Variants in TTLL5 observed in about 807,000 individuals in gnomAD.
TTLL5 encodes tubulin polyglutamylase TTLL5.
Under a neutral mutation model 168.4 loss-of-function variants are expected in TTLL5, and 132 were observed. The observed-to-expected ratio is 0.78, with a 90% confidence interval of 0.68 to 0.91. TTLL5 has a LOEUF of 0.91. Ranked by LOEUF, TTLL5 falls within the 40% of genes least tolerant of loss-of-function variation. The pLI is 0.00. For synonymous variants in TTLL5, 546 were observed against 558.6 expected, an observed-to-expected ratio of 0.98 and a Z score of 0.32; for missense variants, 1,545 against 1,581.5, an observed-to-expected ratio of 0.98 and a Z score of 0.39.
chr14:75,729,240 C>A lies in TTLL5; in HGVS notation c.1043-3098C>A, dbSNP rs543198716. Among the ~76,000 whole-genome samples, 20 of 152,264 alleles carry A rather than the reference C, an allele frequency of 1.3e-4. No homozygotes were observed. In the South Asian group the frequency reaches 4.2e-3, roughly 32 times the overall value. On this transcript the variant is annotated intron_variant, in intron 12 of 31. Coordinates refer to ENST00000298832, the MANE Select transcript of TTLL5 (RefSeq NM_015072.5). ...TAAAGACAACACAGAAAGAGGAGCT[C>A]TCAGAACTGGAAAAGCCCAGCTAGC...
At chr14:75,730,929 A>G (rs1187220807) in intron 12 of TTLL5, among the ~76,000 whole-genome samples, 3 of 152,124 alleles carry the variant, frequency 2.0e-5, no homozygotes, top group African/African-American at 4.8e-5. Flanking sequence ...CATGTTGGCC[A>G]GGGTGGTCTC....
chr14:75,879,174 A>G (rs1241816951), intron 29 of TTLL5, among the ~76,000 whole-genome samples: 2 of 152,222 alleles, frequency 1.3e-5, no homozygotes, highest in East Asian at 1.9e-4. Flanking sequence ...GCTATAATAC[A>G]TGGTAGAATG....
chr14:75,934,814 T>A (rs1216285658), intron 31 of TTLL5, among the ~76,000 whole-genome samples: 2 of 152,190 alleles, frequency 1.3e-5, no homozygotes, highest in Non-Finnish European at 2.9e-5. Flanking sequence ...CTCTAACCAT[T>A]CTCTCATTGT....
At position 75,954,827 on chromosome 14, in the gene TTLL5, G is replaced by T; in HGVS notation, c.*381G>T. The T allele has an allele frequency of 5.0e-6, 1 of 201,754 alleles. No individual in the cohort carries two copies. The highest frequency in any genetic ancestry group is 1.0e-5 in the Non-Finnish European group (1 of 100,454). 12.5% of individuals were successfully genotyped at this position (201,754 alleles called of 1,614,324 possible). ...TATAAAAGAGGCTCTTTGGCTATTT[G>T]CATTTTGCTTCCTCTTCTTTTCCAG... is the stretch of plus-strand genomic sequence containing the variant. On this transcript the variant is annotated 3_prime_UTR_variant, in exon 32 of 32. Transcript: ENST00000298832.
chr14:75,694,978 A>G (rs912992062), intron 6 of TTLL5, among the ~76,000 whole-genome samples: 14 of 152,234 alleles, frequency 9.2e-5, no homozygotes, highest in African/African-American at 3.4e-4. Flanking sequence ...AAACAATATG[A>G]AATCTGGGCA....
chr14:75,856,924 G>T, intron 28 of TTLL5, among the ~76,000 whole-genome samples: 1 of 151,948 alleles, frequency 6.6e-6, no homozygotes, highest in East Asian at 1.9e-4. Context: ...ACACCCAGCC[G>T]AGTTGTATTG....
intron 26 of TTLL5, among the ~76,000 whole-genome samples, 155 bp from the exon 27 acceptor site, chr14:75,792,761 T>G (rs970757691): frequency 2.0e-5 from 3 of 152,192 alleles, no homozygotes; most frequent in South Asian, 2.1e-4. Context: ...ACCATTTATT[T>G]TTGTGATCAT....
At chr14:75,914,619 G>GTTTTTTT (rs10571332) in intron 31 of TTLL5, among the ~76,000 whole-genome samples, 1 of 96,066 alleles carries the variant, frequency 1.0e-5, no homozygotes, top group African/African-American at 4.2e-5. Flanking sequence ...CACTACTCTT[G>GTTTTTTT]TTTTTTTTTT....
intron 20 of TTLL5, among the ~76,000 whole-genome samples, chr14:75,769,742 C>T (rs1891167548): frequency 6.6e-6 from 1 of 152,080 alleles, no homozygotes; most frequent in South Asian, 2.1e-4. Flanking sequence ...TTTATTGACC[C>T]AAACTGAGGA....
intron 1 of TTLL5, among the ~76,000 whole-genome samples, chr14:75,661,900 T>A (rs1890755954): frequency 6.6e-6 from 1 of 152,194 alleles, no homozygotes; most frequent in Non-Finnish European, 1.5e-5. Context: ...AGTCTCATCG[T>A]ATTTATGAAT....
chr14:75,732,506 T>A, intron 13 of TTLL5, 87 bp downstream of exon 13: 1 of 1,152,806 alleles, frequency 8.7e-7, no homozygotes, highest in Non-Finnish European at 1.3e-6. Context: ...CTCTTGGCAC[T>A]AGAAGACTGT....
chr14:75,836,614 C>T (rs1895882721), intron 28 of TTLL5, among the ~76,000 whole-genome samples: 1 of 151,984 alleles, frequency 6.6e-6, no homozygotes, highest in Admixed American at 6.6e-5. Context: ...TGCATTTACC[C>T]TGATGTGATT....
At chr14:75,678,141 TATC>T (rs754445690) in intron 3 of TTLL5, among the ~76,000 whole-genome samples, 6 of 152,234 alleles carry the variant, frequency 3.9e-5, no homozygotes, top group Admixed American at 6.5e-5. Context: ...TGATCATGGT[TATC>T]ATAATGAAAG....
rs2140319468 is a variant in TTLL5 at position 75,776,812 on chromosome 14, G to A, written c.2349G>A (p.Val783=). The change falls in exon 23 of 32, where the codon GTG becomes GTA. Residue 783 remains valine (V), a synonymous_variant. Transcript: ENST00000298832. Reference sequence around the variant, plus strand: ...TTGAGGAAGAAGAGGAAGATGGGGTGAATATGGAAAACTTTCAGGAGTTCA... The same window carrying A: ...TTGAGGAAGAAGAGGAAGATGGGGTAAATATGGAAAACTTTCAGGAGTTCA... ...KKVEEEEEDG[V]NMENFQEFIR... is the part of the protein sequence containing the mutation. 1 of 1,613,926 alleles carries A rather than the reference G, an allele frequency of 6.2e-7. No individual in the cohort carries two copies. The highest frequency in any genetic ancestry group is 8.5e-7 in the Non-Finnish European group (1 of 1,179,890).
chr14:75,764,468 G>T (rs1160732268), intron 18 of TTLL5, 147 bp from the exon 19 acceptor site: 2 of 878,292 alleles, frequency 2.3e-6, no homozygotes, highest in African/African-American at 3.4e-5. Flanking sequence ...GTAGATTCTA[G>T]TGTTCCTCTT....
chr14:75,897,684 C>T (rs910590838), intron 30 of TTLL5, among the ~76,000 whole-genome samples: 1 of 152,036 alleles, frequency 6.6e-6, no homozygotes, highest in African/African-American at 2.4e-5. Flanking sequence ...CCATGTTGGC[C>T]AGGCTGGTCT....
intron 6 of TTLL5, among the ~76,000 whole-genome samples, chr14:75,695,977 G>A (rs997766745): frequency 7.2e-6 from 1 of 139,234 alleles, no homozygotes; most frequent in African/African-American, 2.7e-5. Flanking sequence ...CCATAACCTC[G>A]AATTCCTAGG....
At chr14:75,662,697 T>C (rs1334340204) in intron 1 of TTLL5, among the ~76,000 whole-genome samples, 1 of 152,158 alleles carries the variant, frequency 6.6e-6, no homozygotes, top group Non-Finnish European at 1.5e-5. Context: ...GCCAGGTTTG[T>C]CTAGCAAGGA....
intron 26 of TTLL5, among the ~76,000 whole-genome samples, chr14:75,785,769 C>T (rs548943195): frequency 4.0e-4 from 61 of 152,278 alleles, no homozygotes; most frequent in African/African-American, 1.4e-3. Context: ...TTGATTGCTA[C>T]AGCATTATAG....
Sources: gnomAD v4.1 joint callset for allele counts (sites outside exome capture counted in the v4.1 genomes callset) on GRCh38, gnomAD v4.1.1 for gene constraint, MANE v1.5 for transcripts, NCBI Gene and HGNC (gene_info 2026-07-23, HGNC 2026-07-21) for gene names.